The following RNF220 variants were observed in gnomAD, a reference collection of about 807,000 sequenced individuals.
RNF220 encodes the protein E3 ubiquitin-protein ligase RNF220.
In RNF220, 7 loss-of-function variants were observed where a neutral mutation model predicts 67.1. That is an observed-to-expected ratio of 0.10 (90% CI 0.06 to 0.20). The LOEUF is 0.20. RNF220 is among the 10% of genes least tolerant of loss of function. The probability of loss-of-function intolerance (pLI) is 1.00; values close to 1 mark genes in which losing one functional copy is unlikely to be tolerated. For missense variants in RNF220, 565 were observed against 740.3 expected, an observed-to-expected ratio of 0.76 and a Z score of 2.75; for synonymous variants, 270 against 283.2, an observed-to-expected ratio of 0.95 and a Z score of 0.47.
intron 2 of RNF220, among the ~76,000 whole-genome samples, chr1:44,441,434 T>C (rs1651542260): frequency 6.6e-6 from 1 of 152,184 alleles, no homozygotes; most frequent in South Asian, 2.1e-4. Context: ...AGTGAATGGC[T>C]ATGTGGGAAG....
At chr1:44,414,827 C>G (rs1648355165) in intron 2 of RNF220, among the ~76,000 whole-genome samples, 1 of 151,290 alleles carries the variant, frequency 6.6e-6, no homozygotes, top group Non-Finnish European at 1.5e-5. Context: ...TATAGAGTAC[C>G]CTGTGTTCTC....
chr1:44,438,924 A>G (rs1361934360), intron 2 of RNF220, among the ~76,000 whole-genome samples: 2 of 152,240 alleles, frequency 1.3e-5, no homozygotes, highest in African/African-American at 4.8e-5. Context: ...CTGTATGTCA[A>G]CATAAATCTC....
intron 2 of RNF220, among the ~76,000 whole-genome samples, chr1:44,475,566 C>T (rs891493463): frequency 2.0e-5 from 2 of 98,886 alleles, no homozygotes; most frequent in African/African-American, 1.0e-4. Flanking sequence ...GAGACTCGGT[C>T]TCAAAAAAAA....
At chr1:44,451,630 A>AT (rs202135114) in intron 2 of RNF220, among the ~76,000 whole-genome samples, 33 of 150,450 alleles carry the variant, frequency 2.2e-4, no homozygotes, top group South Asian at 1.0e-3. Flanking sequence ...ATTTTATTTT[A>AT]TTTTTTTTTG....
intron 2 of RNF220, among the ~76,000 whole-genome samples, chr1:44,482,570 G>T (rs915718647): frequency 2.6e-5 from 4 of 152,168 alleles, no homozygotes; most frequent in Non-Finnish European, 5.9e-5. Context: ...AGTTCTAGGG[G>T]ATCTGAAATA....
At chr1:44,591,272 A>T (rs1356916337) in intron 2 of RNF220, among the ~76,000 whole-genome samples, 1 of 152,196 alleles carries the variant, frequency 6.6e-6, no homozygotes, top group African/African-American at 2.4e-5. Context: ...ATGTTTAAAG[A>T]CCCATTTGAG....
intron 8 of RNF220, 144 bp downstream of exon 8, chr1:44,636,306 T>C: frequency 9.6e-7 from 1 of 1,039,576 alleles, no homozygotes; most frequent in Non-Finnish European, 1.5e-6. Context: ...TGGGGCTCCT[T>C]TGTGACCGTG....
intron 2 of RNF220, among the ~76,000 whole-genome samples, chr1:44,598,539 A>C (rs1011536088): frequency 6.6e-6 from 1 of 152,116 alleles, no homozygotes; most frequent in Non-Finnish European, 1.5e-5. Flanking sequence ...GAAATTGCTG[A>C]GTGAGAGAGA....
chr1:44,494,588 T>C (rs1657161527), intron 2 of RNF220, among the ~76,000 whole-genome samples: 2 of 149,554 alleles, frequency 1.3e-5, no homozygotes, highest in South Asian at 4.2e-4. Context: ...CCAAGACATA[T>C]TGTTAAAAAG....
At chr1:44,573,581 G>A (rs1664598740) in intron 2 of RNF220, among the ~76,000 whole-genome samples, 1 of 152,226 alleles carries the variant, frequency 6.6e-6, no homozygotes, top group African/African-American at 2.4e-5. Flanking sequence ...GATAGCATGA[G>A]TTTAATGAGT....
At chr1:44,469,876 A>G (rs1486954259) in intron 2 of RNF220, among the ~76,000 whole-genome samples, 1 of 152,220 alleles carries the variant, frequency 6.6e-6, no homozygotes, top group East Asian at 1.9e-4. Flanking sequence ...AAGACTGAAA[A>G]TAGTATGAAA....
At chr1:44,603,413 A>C in intron 2 of RNF220, among the ~76,000 whole-genome samples, 1 of 152,210 alleles carries the variant, frequency 6.6e-6, no homozygotes. Context: ...GGCCTGGGGC[A>C]GGCCAGAGCT....
At chr1:44,599,157 C>T (rs543621559) in intron 2 of RNF220, among the ~76,000 whole-genome samples, 12 of 152,154 alleles carry the variant, frequency 7.9e-5, no homozygotes, top group Non-Finnish European at 1.5e-4. Context: ...ACACTGCCTA[C>T]GGGGTAGCCC....
intron 2 of RNF220, among the ~76,000 whole-genome samples, chr1:44,587,589 G>C (rs1044600701): frequency 2.6e-5 from 4 of 152,174 alleles, no homozygotes; most frequent in African/African-American, 9.7e-5. Flanking sequence ...GGGGTGGAAT[G>C]GTCTCTCTTG....
chr1:44,584,836 T>A (rs1480348347), intron 2 of RNF220, among the ~76,000 whole-genome samples: 1 of 152,214 alleles, frequency 6.6e-6, no homozygotes, highest in East Asian at 1.9e-4. Flanking sequence ...ATAGCTGGGA[T>A]TGCAGGTGCC....
chr1:44,442,870 C>T (rs1057383965), intron 2 of RNF220, among the ~76,000 whole-genome samples: 9 of 152,268 alleles, frequency 5.9e-5, no homozygotes, highest in Non-Finnish European at 1.2e-4. Flanking sequence ...CTTTATGTCT[C>T]CCCATCTCAG....
In RNF220 at chr1:44,555,221, C is replaced by A. The variant is rs187541416; in HGVS notation, c.626-58944C>A. The stretch of plus-strand genomic sequence containing the variant: ...TAGTTGGAACCACAGGCACACGACA[C>A]CACGCCTAGCTAAGTTTTTGACATT... On this transcript the variant is annotated intron_variant, in intron 2 of 14. Transcript: ENST00000361799. Among the ~76,000 whole-genome samples, 3 of 152,206 alleles carry A rather than the reference C, an allele frequency of 2.0e-5. No individual in the cohort carries two copies. The East Asian group carries it at 5.8e-4, about 30-fold the overall frequency.
At chr1:44,520,957 G>A (rs12739258) in intron 2 of RNF220, among the ~76,000 whole-genome samples, 16,989 of 152,204 alleles carry the variant, frequency 0.11, 1,053 homozygotes, top group African/African-American at 0.15. Context: ...GTGCAGTGGC[G>A]CAATCATAGC....
intron 2 of RNF220, among the ~76,000 whole-genome samples, chr1:44,520,085 T>TTGTG (rs1167831790): frequency 0.031 from 3,240 of 106,182 alleles, 45 homozygotes; most frequent in South Asian, 0.035. Flanking sequence ...AAGTCCAGCA[T>TTGTG]TGTGTGTGTG....
Sources: allele counts gnomAD v4.1 joint callset (sites outside exome capture counted in the v4.1 genomes callset), GRCh38; gene constraint gnomAD v4.1.1; transcripts MANE v1.5; gene names NCBI Gene and HGNC (gene_info 2026-07-23, HGNC 2026-07-21).